The following PTPRM variants were observed in gnomAD, a reference collection of about 807,000 sequenced individuals.
The protein encoded by PTPRM is protein tyrosine phosphatase receptor type M.
Under a neutral mutation model 186.7 loss-of-function variants are expected in PTPRM, and 47 were observed. The ratio of observed to expected loss-of-function variants is 0.25; its 90% CI spans 0.20 to 0.32. The LOEUF is 0.32. Ranked by LOEUF, PTPRM falls within the 10% of genes least tolerant of loss-of-function variation. The probability of loss-of-function intolerance (pLI) is 1.00; values close to 1 mark genes in which losing one functional copy is unlikely to be tolerated. For synonymous variants in PTPRM, 668 were observed against 674.9 expected, an observed-to-expected ratio of 0.99 and a Z score of 0.16; for missense variants, 1,494 against 1,865.0, an observed-to-expected ratio of 0.80 and a Z score of 3.66.
chr18:8,155,485 A>G (rs1031850499), intron 14 of PTPRM, among the ~76,000 whole-genome samples: 2 of 152,268 alleles, frequency 1.3e-5, no homozygotes, highest in Non-Finnish European at 2.9e-5. Context: ...AGGTAAATAT[A>G]ACTATTTTAA....
At chr18:8,150,032 G>T (rs2146212120) in intron 14 of PTPRM, among the ~76,000 whole-genome samples, 1 of 152,310 alleles carries the variant, frequency 6.6e-6, no homozygotes, top group South Asian at 2.1e-4. Flanking sequence ...AGTCTGAGGG[G>T]CTTCCCTTGT....
intron 1 of PTPRM, among the ~76,000 whole-genome samples, chr18:7,597,648 C>T (rs1442003835): frequency 6.6e-6 from 1 of 152,162 alleles, no homozygotes; most frequent in Non-Finnish European, 1.5e-5. Context: ...CACTCATCTA[C>T]ACTAAGCTGG....
intron 11 of PTPRM, among the ~76,000 whole-genome samples, chr18:8,096,281 C>G (rs1431074996): frequency 6.6e-6 from 1 of 152,194 alleles, no homozygotes; most frequent in Admixed American, 6.5e-5. Flanking sequence ...TTGCTATCCC[C>G]AAAAGAACCC....
At chr18:7,799,778 T>G (rs2043856868) in intron 2 of PTPRM, among the ~76,000 whole-genome samples, 1 of 152,192 alleles carries the variant, frequency 6.6e-6, no homozygotes, top group Non-Finnish European at 1.5e-5. Context: ...TCTTCCTGCC[T>G]TGTTAACTTC....
At chr18:7,836,016 A>G (rs1180237903) in intron 2 of PTPRM, among the ~76,000 whole-genome samples, 1 of 152,150 alleles carries the variant, frequency 6.6e-6, no homozygotes, top group African/African-American at 2.4e-5. Flanking sequence ...TCTTGTAGGC[A>G]ACAGATTATT....
chr18:8,210,928 A>G (rs1457580901), intron 14 of PTPRM, among the ~76,000 whole-genome samples: 1 of 152,172 alleles, frequency 6.6e-6, no homozygotes, highest in African/African-American at 2.4e-5. Flanking sequence ...TCTTGACCAA[A>G]TGCTACTGGC....
chr18:8,085,953 G>A, intron 10 of PTPRM, 81 bp downstream of exon 10: 1 of 1,349,018 alleles, frequency 7.4e-7, no homozygotes, highest in South Asian at 1.2e-5. Flanking sequence ...AGTATGCCAA[G>A]CTCGCCCACA....
At chr18:7,832,080 A>T (rs765772244) in intron 2 of PTPRM, among the ~76,000 whole-genome samples, 2 of 152,176 alleles carry the variant, frequency 1.3e-5, no homozygotes, top group Non-Finnish European at 2.9e-5. Context: ...GAGTGCTGCA[A>T]CAAACATGGG....
At chr18:7,784,784 C>T (rs2043019419) in intron 2 of PTPRM, among the ~76,000 whole-genome samples, 2 of 152,158 alleles carry the variant, frequency 1.3e-5, no homozygotes, top group Admixed American at 1.3e-4. Flanking sequence ...GGTGCTGTTC[C>T]AGTCACCAGG....
At chr18:8,281,362 T>C (rs2094901788) in intron 19 of PTPRM, among the ~76,000 whole-genome samples, 3 of 152,200 alleles carry the variant, frequency 2.0e-5, no homozygotes, top group Admixed American at 6.5e-5. Flanking sequence ...GTTCCTGGTC[T>C]CTCCTCCTCC....
intron 2 of PTPRM, among the ~76,000 whole-genome samples, chr18:7,816,312 A>G (rs1264340708): frequency 2.6e-5 from 4 of 152,194 alleles, no homozygotes; most frequent in East Asian, 3.9e-4. Context: ...AGATCTTCCA[A>G]TTAGTTTCTT....
rs11445031 is a variant in PTPRM, at chr18:7,972,479, T to TAAA, written c.1132+17078_1132+17080dup. On this transcript the variant is annotated intron_variant, in intron 7 of 32. Coordinates refer to ENST00000580170, the MANE Select transcript of PTPRM (RefSeq NM_001105244.2). Reference sequence around the variant, plus strand: ...AGTATAATTAAAAAAAAAAAAACATTAAAAAAAAAAAAAAAGGAGAGAAAC... The same window carrying TAAA: ...AGTATAATTAAAAAAAAAAAAACATTAAAAAAAAAAAAAAAAAAGGAGAGAAAC... 1.6e-4 allele frequency among the ~76,000 whole-genome samples: 7 copies of TAAA among 44,368 alleles called. 1 individual carries two copies. The highest frequency in any genetic ancestry group is 5.8e-4 in the African/African-American group (5 of 8,560). The allele number at this position is 44,368 out of a possible 152,430, so 29.1% of individuals were successfully genotyped here. A position where few individuals can be genotyped will look rare whatever the true frequency, so the allele number is the denominator to read the frequency against.
intron 1 of PTPRM, among the ~76,000 whole-genome samples, chr18:7,647,389 T>C (rs2038590675): frequency 6.6e-6 from 1 of 152,214 alleles, no homozygotes; most frequent in South Asian, 2.1e-4. Context: ...TCTCCCTTAA[T>C]TCTTACAAAG....
intron 13 of PTPRM, among the ~76,000 whole-genome samples, chr18:8,135,069 T>C (rs900881376): frequency 6.6e-6 from 1 of 152,152 alleles, no homozygotes; most frequent in African/African-American, 2.4e-5. Context: ...ATAAAGTAGG[T>C]CTTCAAAAAG....
intron 14 of PTPRM, among the ~76,000 whole-genome samples, chr18:8,154,021 C>T (rs574841061): frequency 1.3e-5 from 2 of 152,098 alleles, no homozygotes; most frequent in African/African-American, 2.4e-5. Flanking sequence ...CTAGAAGTAC[C>T]GCATGTGTTT....
intron 1 of PTPRM, among the ~76,000 whole-genome samples, chr18:7,604,687 G>C (rs1387190129): frequency 1.3e-5 from 2 of 152,188 alleles, no homozygotes; most frequent in Non-Finnish European, 2.9e-5. Context: ...TGCAGTGCAT[G>C]GTTAGCAGTA....
At chr18:8,396,552 C>T (rs937424252) in intron 32 of PTPRM, among the ~76,000 whole-genome samples, 1 of 152,082 alleles carries the variant, frequency 6.6e-6, no homozygotes, top group South Asian at 2.1e-4. Context: ...GGTGATTTTT[C>T]GTGAAATAAA....
At chr18:8,301,126 C>T (rs1221659649) in intron 20 of PTPRM, among the ~76,000 whole-genome samples, 1 of 152,192 alleles carries the variant, frequency 6.6e-6, no homozygotes, top group Non-Finnish European at 1.5e-5. Flanking sequence ...ATTCAGTCAG[C>T]ATATCTTAGA....
intron 11 of PTPRM, among the ~76,000 whole-genome samples, chr18:8,104,102 T>G (rs1449762663): frequency 6.6e-6 from 1 of 152,152 alleles, no homozygotes; most frequent in Non-Finnish European, 1.5e-5. Flanking sequence ...TGAAAAAGTT[T>G]GAAATGTTGC....
Sources: allele counts gnomAD v4.1 joint callset (sites outside exome capture counted in the v4.1 genomes callset), GRCh38; gene constraint gnomAD v4.1.1; transcripts MANE v1.5; gene names NCBI Gene and HGNC (gene_info 2026-07-23, HGNC 2026-07-21).